The following SLC7A5 variants were observed in gnomAD, a reference collection of about 807,000 sequenced individuals.
The protein encoded by SLC7A5 is large neutral amino acids transporter small subunit 1.
In SLC7A5, 23 loss-of-function variants were observed where a neutral mutation model predicts 50.2. The ratio of observed to expected loss-of-function variants is 0.46; its 90% confidence interval spans 0.33 to 0.65. The LOEUF is 0.65. SLC7A5 is among the 30% of genes least tolerant of loss of function. The probability of loss-of-function intolerance (pLI) is 0.02; values close to 1 mark genes in which losing one functional copy is unlikely to be tolerated. For missense variants in SLC7A5, 578 were observed against 684.4 expected, an observed-to-expected ratio of 0.84 and a Z score of 1.73; for synonymous variants, 393 against 330.6, an observed-to-expected ratio of 1.19 and a Z score of -2.05.
chr16:87,847,455 G>A lies in SLC7A5; in HGVS notation c.664+4269C>T, dbSNP rs761287383. On this transcript the variant is annotated intron_variant, in intron 2 of 9. Transcript: ENST00000261622. ...AGGAAGCTCCTCAGGAGGGACATCG[G>A]GAGGGGCTCAGGGGGCTGCCTTCAA... Among the ~76,000 whole-genome samples the A allele has an allele frequency of 6.6e-5, 10 of 152,204 alleles. 1 individual carries two copies. The highest frequency in any genetic ancestry group is 4.1e-4 in the South Asian group (2 of 4,830).
chr16:87,837,818 G>C (rs768735315), intron 7 of SLC7A5, 27 bp downstream of exon 7: 1 of 1,570,716 alleles, frequency 6.4e-7, no homozygotes, highest in South Asian at 1.2e-5. Flanking sequence ...CAGGGATGTA[G>C]GGCACAGGGC....
chr16:87,847,586 C>T (rs762913804), intron 2 of SLC7A5, among the ~76,000 whole-genome samples: 11 of 152,168 alleles, frequency 7.2e-5, no homozygotes, highest in South Asian at 2.1e-4. Flanking sequence ...CAGCTTTTCC[C>T]GTAACACATG....
rs1355205296 is a variant in SLC7A5 at position 87,832,410 on chromosome 16, C to T, written c.*560G>A. ...GATCCCCCACCCCCTCCCAGTGCCA[C>T]CCTACGGCTGAGTTTCCACTCTGCA... On this transcript the variant is annotated 3_prime_UTR_variant, in exon 10 of 10. Transcript: ENST00000261622. The surrounding 1 kb of genome is among the most constrained non-coding windows in gnomAD (Gnocchi z 4.6). 6.6e-6 allele frequency: 1 copy of T among 152,088 alleles called. No individual in the cohort carries two copies. The highest frequency in any genetic ancestry group is 6.5e-5 in the Admixed American group (1 of 15,274). The allele number at this position is 152,088 out of a possible 1,614,324, so 9.4% of individuals were successfully genotyped here.
intron 5 of SLC7A5, 48 bp downstream of exon 5, chr16:87,839,654 G>C (rs1269947374): frequency 1.2e-6 from 2 of 1,610,674 alleles, no homozygotes; most frequent in East Asian, 4.5e-5. Flanking sequence ...GGACGGGCTG[G>C]CCACAGCCTC....
intron 1 of SLC7A5, among the ~76,000 whole-genome samples, chr16:87,857,720 C>CA (rs1326968955): frequency 6.6e-6 from 1 of 152,252 alleles, no homozygotes; most frequent in Non-Finnish European, 1.5e-5. Context: ...CCTGTCTGCT[C>CA]AGTGTTGAAA....
At chr16:87,864,138 C>A (rs749110156) in intron 1 of SLC7A5, among the ~76,000 whole-genome samples, 13 of 150,372 alleles carry the variant, frequency 8.6e-5, no homozygotes, top group Non-Finnish European at 1.8e-4. Context: ...CTAAAAAATA[C>A]AAAATCAGCC....
At chr16:87,844,874 G>A (rs1024054039) in intron 2 of SLC7A5, among the ~76,000 whole-genome samples, 2 of 152,282 alleles carry the variant, frequency 1.3e-5, no homozygotes, top group Non-Finnish European at 2.9e-5. Flanking sequence ...GGAGCTGCGG[G>A]ATGTGTCCTA....
intron 2 of SLC7A5, among the ~76,000 whole-genome samples, chr16:87,844,122 C>A (rs910343534): frequency 6.6e-6 from 1 of 150,712 alleles, no homozygotes; most frequent in Non-Finnish European, 1.5e-5. Flanking sequence ...TGACATCTGC[C>A]AGAGCCCACA....
In SLC7A5 at chr16:87,831,682, G is replaced by C. The variant is rs1023091465; in HGVS notation, c.*1288C>G. On this transcript the variant is annotated 3_prime_UTR_variant, in exon 10 of 10. Transcript: ENST00000261622. The stretch of plus-strand genomic sequence containing the variant: ...ATCCTGCGGGGTCTTCTTGTTCTGG[G>C]GGTCCCTGGCTGCTGCCATGGAGGC... 3.3e-5 allele frequency: 5 copies of C among 152,136 alleles called. No individual in the cohort carries two copies. The highest frequency in any genetic ancestry group is 1.2e-4 in the African/African-American group (5 of 41,406). The allele number at this position is 152,136 out of a possible 1,614,324, so 9.4% of individuals were successfully genotyped here. A position where few individuals can be genotyped will look rare whatever the true frequency, so the allele number is the denominator to read the frequency against.
chr16:87,833,707 G>C lies in SLC7A5; in HGVS notation c.1469-682C>G, dbSNP rs145557738. Among the ~76,000 whole-genome samples, 420 of 152,270 alleles carry C rather than the reference G, an allele frequency of 2.8e-3. 2 individuals carry two copies. Among genetic ancestry groups the C allele is most frequent in the Non-Finnish European group, 5.1e-3 (347 of 68,014 alleles). On this transcript the variant is annotated intron_variant, in intron 9 of 9. Coordinates refer to ENST00000261622, the MANE Select transcript of SLC7A5 (RefSeq NM_003486.7). The surrounding 1 kb of genome is among the most constrained non-coding windows in gnomAD (Gnocchi z 6.0). ...TCTCCAAGCCACCCAGTGACATGGGGATCAGCATGTAGGCCCGCAAGCACC... is the reference window on the plus strand; with the variant it reads ...TCTCCAAGCCACCCAGTGACATGGGCATCAGCATGTAGGCCCGCAAGCACC...
intron 2 of SLC7A5, among the ~76,000 whole-genome samples, chr16:87,844,110 G>A (rs1208538904): frequency 2.0e-5 from 3 of 152,274 alleles, no homozygotes; most frequent in Middle Eastern, 3.4e-3. Context: ...GTGGACAGAC[G>A]GTGACATCTG....
rs758372400 is a variant in SLC7A5, at chr16:87,839,791, T to C, written c.850A>G (p.Ile284Val). ...LPLAIIISLP[I>V]VTLVYVLTNL... The stretch of plus-strand genomic sequence containing the variant: ...GTCAGCACGTACACCAGCGTCACGA[T>C]GGGCAGGGAGATGATGATGGCCAGG... Residue 284 changes from isoleucine to valine, a missense_variant, in exon 5 of 10, where the codon ATC becomes GTC. This residue lies in a region of SLC7A5 where 465 missense variants were observed against 594.6 expected (regional missense o/e 0.78). Transcript: ENST00000261622. 4 of 1,613,900 alleles carry C rather than the reference T, an allele frequency of 2.5e-6. No individual in the cohort carries two copies. Among genetic ancestry groups the C allele is most frequent in the South Asian group, 2.2e-5 (2 of 91,086 alleles).
In SLC7A5 at chr16:87,868,906, G is replaced by A. The variant is rs1474219270; in HGVS notation, c.517C>T (p.Leu173Phe). ...TCACGCACGCAGAGGCAGGCCACGA[G>A]CTTGGCTGCCTCCTCGGGCACCGGG... ...TCPVPEEAAK[L>F]VACLCVLLLT... The change falls in exon 1 of 10, where the codon CTC (leucine) becomes TTC (phenylalanine). Residue 173 changes from leucine (L) to phenylalanine (F), a missense_variant. Leu to Phe is a conservative substitution (Grantham distance 22, BLOSUM62 0). This residue lies in a region of SLC7A5 where 465 missense variants were observed against 594.6 expected (regional missense o/e 0.78). Transcript: ENST00000261622. 2 of 1,609,218 alleles carry A rather than the reference G, an allele frequency of 1.2e-6. No individual in the cohort carries two copies. The highest frequency in any genetic ancestry group is 1.7e-5 in the Admixed American group (1 of 59,586).
At chr16:87,846,798 G>A (rs928648844) in intron 2 of SLC7A5, among the ~76,000 whole-genome samples, 11 of 152,220 alleles carry the variant, frequency 7.2e-5, no homozygotes, top group Non-Finnish European at 1.5e-4. Context: ...TGTCACCCCC[G>A]GAGAAAGCGG....
At chr16:87,838,912 C>T (rs975523997) in intron 5 of SLC7A5, 95 bp from the exon 6 acceptor site, 45 of 900,250 alleles carry the variant, frequency 5.0e-5, no homozygotes, top group Non-Finnish European at 5.5e-6. Flanking sequence ...CAGCCCTCGC[C>T]CTCTGTGCTC....
At chr16:87,858,317 C>T (rs1371957759) in intron 1 of SLC7A5, among the ~76,000 whole-genome samples, 1 of 152,210 alleles carries the variant, frequency 6.6e-6, no homozygotes, top group Non-Finnish European at 1.5e-5. Flanking sequence ...TGACCAGTCA[C>T]CGCAGCATGA....
rs1411223689 is a variant in SLC7A5, at chr16:87,859,575, AG to A, written c.539-7727del. Among the ~76,000 whole-genome samples the A allele has an allele frequency of 2.0e-5, 3 of 152,318 alleles. No homozygotes were observed. The East Asian group carries it at 5.8e-4, about 29-fold the overall frequency. ...AACGAGCTCAGGTCACGATGGGAAG[AG>A]GGGGTCACACAGGCCTTGTTATACC... is the stretch of plus-strand genomic sequence containing the variant. On this transcript the variant is annotated intron_variant, in intron 1 of 9. Coordinates refer to ENST00000261622, the MANE Select transcript of SLC7A5 (RefSeq NM_003486.7).
At chr16:87,834,090 G>A (rs2054966301) in intron 9 of SLC7A5, among the ~76,000 whole-genome samples, 2 of 152,166 alleles carry the variant, frequency 1.3e-5, no homozygotes, top group Admixed American at 1.3e-4. Flanking sequence ...CTGACCTCAA[G>A]TGATCCGCCT....
Position 87,840,489 on chromosome 16 carries a change from C to T in SLC7A5, c.771-16G>A. On this transcript the variant is annotated splice_polypyrimidine_tract_variant and intron_variant, in intron 3 of 9. Coordinates refer to ENST00000261622, the MANE Select transcript of SLC7A5 (RefSeq NM_003486.7). ...CAAGTAATTCCTAAAATTTAGAGAA[C>T]AGCGTTCAAATTATATGATCCTCAT... is the stretch of plus-strand genomic sequence containing the variant. 1.3e-6 allele frequency: 2 copies of T among 1,591,396 alleles called. No homozygotes were observed. Among genetic ancestry groups the T allele is most frequent in the Non-Finnish European group, 1.7e-6 (2 of 1,163,558 alleles).
Sources: gnomAD v4.1 joint callset for allele counts (sites outside exome capture counted in the v4.1 genomes callset) on GRCh38, gnomAD v4.1.1 for gene constraint, gnomAD v4.1.1 regional missense constraint, Gnocchi (gnomAD v3.1) non-coding constraint, MANE v1.5 for transcripts, NCBI Gene and HGNC (gene_info 2026-07-23, HGNC 2026-07-21) for gene names.